LRRC49: variants seen among roughly 807,000 people sequenced by gnomAD.
LRRC49 encodes the protein leucine-rich repeat-containing protein 49.
A neutral mutation model predicts 83.3 loss-of-function variants in LRRC49; 50 were observed. That is an observed-to-expected ratio of 0.60 (90% CI 0.48 to 0.76). The LOEUF is 0.76. LRRC49 is among the 30% of genes least tolerant of loss of function. The probability of loss-of-function intolerance (pLI) is 0.00; values close to 1 mark genes in which losing one functional copy is unlikely to be tolerated. For synonymous variants in LRRC49, 286 were observed against 283.3 expected (o/e 1.01, Z -0.10); for missense variants, 704 against 809.1 (o/e 0.87, Z 1.58).
chr15:70,984,397 A>T (rs1273936807), intron 11 of LRRC49, 140 bp downstream of exon 11: 1 of 697,152 alleles, frequency 1.4e-6, no homozygotes, highest in African/African-American at 1.8e-5. Context: ...AAGATGGAAA[A>T]GTTGAAAATA....
At chr15:70,904,805 A>G (rs764223542) in intron 5 of LRRC49, 50 bp downstream of exon 5, 37 of 1,343,072 alleles carry the variant, frequency 2.8e-5, no homozygotes, top group Middle Eastern at 1.9e-4. Flanking sequence ...TGTAGGATTA[A>G]TGTGGAGATG....
At chr15:70,861,767 T>A (rs1288424572) in intron 1 of LRRC49, among the ~76,000 whole-genome samples, 1 of 152,150 alleles carries the variant, frequency 6.6e-6, no homozygotes, top group African/African-American at 2.4e-5. Flanking sequence ...TAAAAATAGA[T>A]GGAGACCCTT....
intron 3 of LRRC49, chr15:70,900,408 C>T (rs142394637): frequency 2.0e-4 from 90 of 453,564 alleles, no homozygotes; most frequent in Non-Finnish European, 1.2e-4. Flanking sequence ...CTATCCAAAA[C>T]TACTTTTTGT....
chr15:70,964,024 A>G, intron 9 of LRRC49, 92 bp downstream of exon 9: 2 of 1,264,490 alleles, frequency 1.6e-6, no homozygotes, highest in Non-Finnish European at 1.1e-6. Flanking sequence ...ATGCTTCTTA[A>G]TTTTAGTGAA....
At chr15:70,861,627 A>G (rs2032792291) in intron 1 of LRRC49, among the ~76,000 whole-genome samples, 1 of 152,118 alleles carries the variant, frequency 6.6e-6, no homozygotes, top group Non-Finnish European at 1.5e-5. Context: ...TTGCTCTCAT[A>G]ATATTAATTT....
At chr15:70,959,406 G>A (rs895617615) in intron 8 of LRRC49, among the ~76,000 whole-genome samples, 64 of 151,838 alleles carry the variant, frequency 4.2e-4, no homozygotes, top group African/African-American at 1.5e-3. Flanking sequence ...CAGGAAAATC[G>A]CTTGAACCAG....
At chr15:71,007,184 T>G (rs1320588044) in intron 11 of LRRC49, among the ~76,000 whole-genome samples, 1 of 152,010 alleles carries the variant, frequency 6.6e-6, no homozygotes, top group Non-Finnish European at 1.5e-5. Context: ...ATAAGTATGA[T>G]AAACAACAGG....
At chr15:71,016,968 T>G (rs1488465173) in intron 14 of LRRC49, among the ~76,000 whole-genome samples, 1 of 151,804 alleles carries the variant, frequency 6.6e-6, no homozygotes, top group Admixed American at 6.6e-5. Context: ...TAACCAGGCA[T>G]GTGGCTCGCA....
rs539225474 is a variant in LRRC49, at chr15:70,959,208, C to T, written c.774-4577C>T. ...GATTATTTCTTTAAAAAATAAAAAT[C>T]CCGGCTGGATGCGGTGGCTCACGCC... On this transcript the variant is annotated intron_variant, in intron 8 of 15. Coordinates refer to ENST00000260382, the MANE Select transcript of LRRC49 (RefSeq NM_017691.5). 2.1e-3 allele frequency among the ~76,000 whole-genome samples: 316 copies of T among 152,198 alleles called. 2 individuals are homozygous for T. Among genetic ancestry groups the T allele is most frequent in the African/African-American group, 7.3e-3 (303 of 41,540 alleles).
In LRRC49 at chr15:70,926,223, C is replaced by T. The variant is rs181237267; in HGVS notation, c.711+7030C>T. 1.6e-4 allele frequency among the ~76,000 whole-genome samples: 24 copies of T among 152,150 alleles called. 1 individual carries two copies. Among genetic ancestry groups the T allele is most frequent in the African/African-American group, 4.6e-4 (19 of 41,526 alleles). On this transcript the variant is annotated intron_variant, in intron 7 of 15. Coordinates refer to ENST00000260382, the MANE Select transcript of LRRC49 (RefSeq NM_017691.5). ...TTGGCTCTTACAAATAAAGCTGCTG[C>T]GGATATTCTTGCAGTTTTTAAAAAT...
At chr15:70,903,299 A>C (rs895786309) in intron 4 of LRRC49, among the ~76,000 whole-genome samples, 7 of 152,004 alleles carry the variant, frequency 4.6e-5, no homozygotes. Flanking sequence ...GTTGGATAAA[A>C]TATTGTGATA....
At chr15:71,041,930 G>A (rs938393009) in intron 15 of LRRC49, among the ~76,000 whole-genome samples, 1 of 151,982 alleles carries the variant, frequency 6.6e-6, no homozygotes, top group African/African-American at 2.4e-5. Context: ...TGAGGAAATG[G>A]GATATTCAAT....
intron 9 of LRRC49, among the ~76,000 whole-genome samples, chr15:70,976,867 CTG>C (rs1196602250): frequency 6.6e-6 from 1 of 152,014 alleles, no homozygotes; most frequent in Non-Finnish European, 1.5e-5. Flanking sequence ...TTTAGTTACT[CTG>C]TAATTATTTG....
intron 15 of LRRC49, chr15:71,048,763 G>A (rs116523072): frequency 2.2e-6 from 1 of 455,836 alleles, no homozygotes; most frequent in South Asian, 1.5e-5. Context: ...TTGTGTTTAG[G>A]ACCAGGTTTT....
At chr15:71,000,463 A>AT (rs2038218560) in intron 11 of LRRC49, among the ~76,000 whole-genome samples, 1 of 152,192 alleles carries the variant, frequency 6.6e-6, no homozygotes, top group Non-Finnish European at 1.5e-5. Flanking sequence ...TAATATAACA[A>AT]TTTTTTACTT....
At chr15:70,894,595 C>T in intron 2 of LRRC49, 1 of 1,282,682 alleles carries the variant, frequency 7.8e-7, no homozygotes, top group Non-Finnish European at 1.0e-6. Flanking sequence ...CTACTTTCTA[C>T]ACACTATGTC....
At chr15:71,040,745 G>A (rs978099695) in intron 15 of LRRC49, among the ~76,000 whole-genome samples, 1 of 151,044 alleles carries the variant, frequency 6.6e-6, no homozygotes, top group Non-Finnish European at 1.5e-5. Flanking sequence ...GCGTGAACCT[G>A]GGAGGTGGAG....
At chr15:70,957,979 G>C (rs1567070003) in intron 8 of LRRC49, among the ~76,000 whole-genome samples, 1 of 152,084 alleles carries the variant, frequency 6.6e-6, no homozygotes, top group Non-Finnish European at 1.5e-5. Flanking sequence ...TTTAAGTGTA[G>C]AGTTCAATGA....
chr15:70,949,334 T>A (rs764866698), intron 8 of LRRC49, among the ~76,000 whole-genome samples: 1 of 152,248 alleles, frequency 6.6e-6, no homozygotes, highest in African/African-American at 2.4e-5. Flanking sequence ...GCTCCTGTTG[T>A]CTAGTGATAT....
Sources: gnomAD v4.1 joint callset for allele counts (sites outside exome capture counted in the v4.1 genomes callset) on GRCh38, gnomAD v4.1.1 for gene constraint, MANE v1.5 for transcripts, NCBI Gene and HGNC (gene_info 2026-07-23, HGNC 2026-07-21) for gene names.